The following SMARCA2 variants were observed in gnomAD, a reference collection of about 807,000 sequenced individuals.
SMARCA2 encodes the protein SWI/SNF-related matrix-associated actin-dependent regulator of chromatin subfamily A member 2.
SMARCA2 carries 61 observed loss-of-function variants against 199.8 expected under a neutral mutation model. The observed-to-expected ratio is 0.31, with a 90% confidence interval of 0.25 to 0.38. The LOEUF is 0.38. SMARCA2 is among the 10% of genes least tolerant of loss of function. The pLI is 1.00. For missense variants in SMARCA2, 1,344 were observed against 2,012.2 expected, an observed-to-expected ratio of 0.67 and a Z score of 6.35; for synonymous variants, 935 against 732.0, an observed-to-expected ratio of 1.28 and a Z score of -4.48.
At chr9:2,160,211 C>CTTTT in intron 27 of SMARCA2, 1 of 271,606 alleles carries the variant, frequency 3.7e-6, no homozygotes, top group South Asian at 8.1e-5. Flanking sequence ...TAATGTGAAG[C>CTTTT]TTTTTTTTTT....
chr9:2,158,933 A>G lies in SMARCA2; in HGVS notation c.3982-2753A>G, dbSNP rs762723251. 8.1e-6 allele frequency: 13 copies of G among 1,611,418 alleles called. No individual in the cohort carries two copies. In the South Asian group the frequency reaches 1.4e-4, roughly 18 times the overall value. ...TTGGGGAGGAGGGAAGATGTTTTGTAGCTCTCTGCATTCCTGCATAAAACC... is the reference window on the plus strand; with the variant it reads ...TTGGGGAGGAGGGAAGATGTTTTGTGGCTCTCTGCATTCCTGCATAAAACC... On this transcript the variant is annotated intron_variant, in intron 27 of 33. Transcript: ENST00000349721.
At chr9:2,157,934 C>G (rs10965030) in intron 27 of SMARCA2, 2 of 397,876 alleles carry the variant, frequency 5.0e-6, no homozygotes, top group East Asian at 3.6e-5. Context: ...CCACGTGTGG[C>G]TGCTTCCCGG....
At chr9:2,095,088 A>AT (rs773120638) in intron 19 of SMARCA2, among the ~76,000 whole-genome samples, 12,938 of 144,830 alleles carry the variant, frequency 0.089, 651 homozygotes, top group African/African-American at 0.14. Flanking sequence ...AAAAATTAGA[A>AT]TTTTTTTTTT....
Position 2,097,483 on chromosome 9 carries a change from T to C in SMARCA2, c.3078+12T>C. The C allele has an allele frequency of 6.5e-7, 1 of 1,531,872 alleles. No homozygotes were observed. Among genetic ancestry groups the C allele is most frequent in the Non-Finnish European group, 9.0e-7 (1 of 1,107,412 alleles). 94.9% of individuals were successfully genotyped at this position (1,531,872 alleles called of 1,614,324 possible). A position where few individuals can be genotyped will look rare whatever the true frequency, so the allele number is the denominator to read the frequency against. On this transcript the variant is annotated intron_variant, in intron 21 of 33. Coordinates refer to ENST00000349721, the MANE Select transcript of SMARCA2 (RefSeq NM_003070.5). ...TTCAGCACATTGAGGTAAGTCTGTA[T>C]TGTGTGTTTTGAGCCTGATTGTGCT... is the stretch of plus-strand genomic sequence containing the variant.
chr9:2,031,841 T>G (rs993128897), intron 2 of SMARCA2, among the ~76,000 whole-genome samples: 1 of 152,284 alleles, frequency 6.6e-6, no homozygotes, highest in South Asian at 2.1e-4. Context: ...GCAGTTTTAT[T>G]TCTTCTCTTA....
At chr9:2,165,349 C>T (rs1181580028) in intron 28 of SMARCA2, among the ~76,000 whole-genome samples, 1 of 152,124 alleles carries the variant, frequency 6.6e-6, no homozygotes, top group Non-Finnish European at 1.5e-5. Context: ...TCATAAAGAA[C>T]TAAGATCATT....
At chr9:2,181,202 ACGTG>A (rs1475283298) in intron 29 of SMARCA2, 1 of 118,576 alleles carries the variant, frequency 8.4e-6, no homozygotes, top group Non-Finnish European at 2.0e-5. Context: ...ATATATATGT[ACGTG>A]TATATATATA....
At chr9:2,177,772 G>A (rs1826717961) in intron 29 of SMARCA2, among the ~76,000 whole-genome samples, 1 of 152,012 alleles carries the variant, frequency 6.6e-6, no homozygotes, top group Admixed American at 6.6e-5. Context: ...GGCTGGTCTC[G>A]AACTCCTGAC....
chr9:2,186,141 C>A lies in SMARCA2; in HGVS notation c.4507C>A (p.Arg1503=). 1 of 1,613,754 alleles carries A rather than the reference C, an allele frequency of 6.2e-7. No individual in the cohort carries two copies. The highest frequency in any genetic ancestry group is 8.5e-7 in the Non-Finnish European group (1 of 1,179,796). The change falls in exon 32 of 34, where the codon CGG becomes AGG. Residue 1503 remains arginine, a synonymous_variant. Coordinates refer to ENST00000349721, the MANE Select transcript of SMARCA2 (RefSeq NM_003070.5). ...CTTACAGTCAGTGTTTAAGAGTGCC[C>A]GGCAGAAAATTGCCAAAGAGGAAGA... is the stretch of plus-strand genomic sequence containing the variant. ...IVLQSVFKSA[R]QKIAKEEESE...
intron 17 of SMARCA2, chr9:2,085,699 T>G (rs1821772308): frequency 6.6e-6 from 1 of 152,076 alleles, no homozygotes; most frequent in African/African-American, 2.4e-5. Flanking sequence ...TGACTGATGA[T>G]TTTATTCCTT....
intron 9 of SMARCA2, among the ~76,000 whole-genome samples, chr9:2,061,266 T>C (rs539992956): frequency 3.2e-4 from 49 of 152,282 alleles, no homozygotes; most frequent in African/African-American, 1.1e-3. Context: ...ATACAGTCAA[T>C]TGGGAAAGGA....
chr9:2,047,361 C>T lies in SMARCA2; in HGVS notation c.923C>T (p.Pro308Leu), dbSNP rs1395862678. The T allele has an allele frequency of 2.0e-6, 3 of 1,501,658 alleles. No individual in the cohort carries two copies. The highest frequency in any genetic ancestry group is 2.7e-6 in the Non-Finnish European group (3 of 1,122,410). 93.0% of individuals were successfully genotyped at this position (1,501,658 alleles called of 1,614,324 possible). A position where few individuals can be genotyped will look rare whatever the true frequency, so the allele number is the denominator to read the frequency against. Residue 308 changes from proline (P) to leucine (L), a missense_variant, in exon 5 of 34, where the codon CCG becomes CTG. By Grantham distance (98) the Pro-to-Leu change is moderately conservative. Transcript: ENST00000349721. ...PAAAVPGPSV[P>L]QPAPGQPSPV... is the part of the protein sequence containing the mutation. ...GCCGCAGTGCCCGGGCCCTCAGTGC[C>T]GCAGCCGGCCCCGGGGCAGCCCTCG...
rs181118055 is a variant in SMARCA2 at position 2,188,007 on chromosome 9, A to G, written c.4594+1779A>G. On this transcript the variant is annotated intron_variant, in intron 32 of 33. Transcript: ENST00000349721. ...CTCAAAATATTACATGTATGTAGAG[A>G]TATAGAATTACACGTTTTTTTACCT... Among the ~76,000 whole-genome samples, 7 of 152,304 alleles carry G rather than the reference A, an allele frequency of 4.6e-5. No individual in the cohort carries two copies. In the East Asian group the frequency reaches 1.3e-3, roughly 29 times the overall value.
intron 19 of SMARCA2, among the ~76,000 whole-genome samples, chr9:2,092,269 T>C (rs1822093758): frequency 6.6e-6 from 1 of 152,174 alleles, no homozygotes; most frequent in African/African-American, 2.4e-5. Flanking sequence ...TAACTAGAGG[T>C]TGACCTACCT....
intron 18 of SMARCA2, chr9:2,087,318 C>A (rs549372221): frequency 4.0e-6 from 2 of 497,310 alleles, no homozygotes; most frequent in East Asian, 3.6e-5. Context: ...ACCAGGCTAC[C>A]AGAAAAGGGT....
intron 24 of SMARCA2, among the ~76,000 whole-genome samples, chr9:2,114,981 A>T (rs1163912644): frequency 6.6e-6 from 1 of 152,112 alleles, no homozygotes; most frequent in African/African-American, 2.4e-5. Flanking sequence ...TACTTTGTTG[A>T]TACATACATA....
At chr9:2,069,516 G>A (rs1019678701) in intron 9 of SMARCA2, among the ~76,000 whole-genome samples, 14 of 151,094 alleles carry the variant, frequency 9.3e-5, no homozygotes, top group Admixed American at 2.6e-4. Context: ...CCGAGATCGG[G>A]CCACCGCACT....
At chr9:2,098,565 A>C (rs895553189) in intron 21 of SMARCA2, among the ~76,000 whole-genome samples, 1 of 152,148 alleles carries the variant, frequency 6.6e-6, no homozygotes, top group Non-Finnish European at 1.5e-5. Flanking sequence ...CATAGGAGAG[A>C]GTGTGTGGGC....
intron 2 of SMARCA2, among the ~76,000 whole-genome samples, chr9:2,030,541 C>CTT (rs567112493): frequency 6.8e-4 from 91 of 133,452 alleles, no homozygotes; most frequent in South Asian, 2.5e-3. Flanking sequence ...TTTCCTCTAG[C>CTT]TTTTTTTTTT....
Sources: gnomAD v4.1 joint callset for allele counts (sites outside exome capture counted in the v4.1 genomes callset) on GRCh38, gnomAD v4.1.1 for gene constraint, MANE v1.5 for transcripts, NCBI Gene and HGNC (gene_info 2026-07-23, HGNC 2026-07-21) for gene names.